The following DCC variants were observed in gnomAD, a reference collection of about 807,000 sequenced individuals.
DCC encodes the protein netrin receptor DCC.
Under a neutral mutation model 172.5 loss-of-function variants are expected in DCC, and 58 were observed. The ratio of observed to expected loss-of-function variants is 0.34; its 90% CI spans 0.27 to 0.42. DCC has a LOEUF of 0.42. Ranked by LOEUF, DCC falls within the 10% of genes least tolerant of loss-of-function variation. The pLI is 1.00. For synonymous variants in DCC, 709 were observed against 644.5 expected (o/e 1.10, Z -1.52); for missense variants, 1,740 against 1,791.0 (o/e 0.97, Z 0.51).
intron 1 of DCC, among the ~76,000 whole-genome samples, chr18:52,649,695 A>G (rs1488170738): frequency 1.3e-5 from 2 of 152,180 alleles, no homozygotes; most frequent in Non-Finnish European, 2.9e-5. Context: ...AATTACAATA[A>G]TGTCCTCCAA....
chr18:52,971,259 A>G (rs1403228924), intron 5 of DCC, among the ~76,000 whole-genome samples: 2 of 152,164 alleles, frequency 1.3e-5, no homozygotes, highest in Admixed American at 6.5e-5. Flanking sequence ...TCATCATATC[A>G]GAGCTTACCA....
At chr18:53,021,895 T>C (rs1307318129) in intron 5 of DCC, among the ~76,000 whole-genome samples, 2 of 152,224 alleles carry the variant, frequency 1.3e-5, no homozygotes, top group African/African-American at 4.8e-5. Flanking sequence ...ATTTGGACTT[T>C]ATTCAAAAGT....
intron 7 of DCC, among the ~76,000 whole-genome samples, chr18:53,119,225 A>G (rs557717316): frequency 3.9e-5 from 6 of 151,924 alleles, no homozygotes; most frequent in African/African-American, 1.4e-4. Flanking sequence ...ATTGGCGTAC[A>G]TTCTTTATCT....
In DCC at chr18:52,514,984, G is replaced by A. The variant is rs562065485; in HGVS notation, c.91+174106G>A. Among the ~76,000 whole-genome samples the A allele has an allele frequency of 3.3e-5, 5 of 152,226 alleles. No individual in the cohort carries two copies. In the South Asian group the frequency reaches 8.3e-4, roughly 25 times the overall value. On this transcript the variant is annotated intron_variant, in intron 1 of 28. Transcript: ENST00000442544. ...CATCCTATGAGGCTAGTATTGCCAC[G>A]ATACCAAATCCAGACAAATACAGTA...
intron 14 of DCC, among the ~76,000 whole-genome samples, chr18:53,337,047 G>T (rs187497332): frequency 8.5e-5 from 13 of 152,342 alleles, no homozygotes; most frequent in Admixed American, 7.8e-4. Flanking sequence ...TCAAGAGCCA[G>T]TTGGTGTACA....
intron 15 of DCC, among the ~76,000 whole-genome samples, chr18:53,370,627 A>G (rs1422544342): frequency 6.6e-6 from 1 of 151,704 alleles, no homozygotes; most frequent in East Asian, 1.9e-4. Context: ...TTGTTGTTTA[A>G]GAGTGTATTG....
At chr18:52,954,393 A>G (rs2040707808) in intron 5 of DCC, among the ~76,000 whole-genome samples, 1 of 152,130 alleles carries the variant, frequency 6.6e-6, no homozygotes, top group Non-Finnish European at 1.5e-5. Context: ...TCATTTTACT[A>G]TATTCTACAT....
chr18:53,214,703 C>A (rs2055817942), intron 11 of DCC, among the ~76,000 whole-genome samples: 1 of 152,084 alleles, frequency 6.6e-6, no homozygotes, highest in Non-Finnish European at 1.5e-5. Flanking sequence ...TATTATGGGG[C>A]AAAAAGCTTT....
At chr18:53,017,410 T>C (rs2041824587) in intron 5 of DCC, among the ~76,000 whole-genome samples, 1 of 152,218 alleles carries the variant, frequency 6.6e-6, no homozygotes, top group South Asian at 2.1e-4. Context: ...TCAGTCTTTA[T>C]TAAAGTGGGT....
At position 52,383,496 on chromosome 18, in the gene DCC, A is replaced by G. The variant is rs1000842594; in HGVS notation, c.91+42618A>G. Among the ~76,000 whole-genome samples the G allele has an allele frequency of 3.3e-5, 5 of 152,162 alleles. 1 individual carries two copies. In the South Asian group the frequency reaches 6.2e-4, roughly 19 times the overall value. On this transcript the variant is annotated intron_variant, in intron 1 of 28. Coordinates refer to ENST00000442544, the MANE Select transcript of DCC (RefSeq NM_005215.4). ...TATCTCATTGAATGTTATATGGTAT[A>G]GCTTATTTTATATTATGTAGCATTT...
chr18:53,161,407 G>A (rs2054837761), intron 8 of DCC, among the ~76,000 whole-genome samples: 1 of 152,064 alleles, frequency 6.6e-6, no homozygotes, highest in African/African-American at 2.4e-5. Flanking sequence ...CTCATTTTCA[G>A]GCTCTTTTTA....
At chr18:52,594,945 CTG>C (rs1021296928) in intron 1 of DCC, among the ~76,000 whole-genome samples, 6 of 152,168 alleles carry the variant, frequency 3.9e-5, no homozygotes, top group African/African-American at 1.4e-4. Context: ...AATATTCAAA[CTG>C]TATCACTACA....
rs376124257 is a variant in DCC, at chr18:52,923,770, G to A, written c.761G>A (p.Gly254Glu). 3 of 1,612,422 alleles carry A rather than the reference G, an allele frequency of 1.9e-6. No homozygotes were observed. The East Asian group carries it at 6.7e-5, about 36-fold the overall frequency. Reference sequence around the variant, plus strand: ...CCATCCAATGTAGTAGCCATTGAAGGAAAAGATGCTGTCCTGGAATGTTGT... The same window carrying A: ...CCATCCAATGTAGTAGCCATTGAAGAAAAAGATGCTGTCCTGGAATGTTGT... ...QRPSNVVAIEGKDAVLECCVS... is the reference protein window; with the variant it reads ...QRPSNVVAIEEKDAVLECCVS... Residue 254 changes from glycine (G) to glutamate (E), a missense_variant, in exon 4 of 29, where the codon GGA (glycine) becomes GAA (glutamate). This residue lies in a region of DCC where 1,732 missense variants were observed against 1,767.4 expected (regional missense o/e 0.98). Coordinates refer to ENST00000442544, the MANE Select transcript of DCC (RefSeq NM_005215.4).
intron 7 of DCC, among the ~76,000 whole-genome samples, chr18:53,125,316 C>T (rs62099223): frequency 0.037 from 5,636 of 152,006 alleles, 131 homozygotes; most frequent in Non-Finnish European, 0.055. Flanking sequence ...ATTAATATCA[C>T]GGTAGATAAC....
rs1379736660 is a variant in DCC at position 53,339,876 on chromosome 18, C to G, written c.2328C>G (p.Ser776Arg). Residue 776 changes from serine to arginine, a missense_variant, in exon 15 of 29, where the codon AGC becomes AGG. By Grantham distance (110) the Ser-to-Arg change is moderately radical. This residue lies in a region of DCC where 1,732 missense variants were observed against 1,767.4 expected (regional missense o/e 0.98). Coordinates refer to ENST00000442544, the MANE Select transcript of DCC (RefSeq NM_005215.4). The stretch of plus-strand genomic sequence containing the variant: ...ACGCTGAGACAGTGCGTGTGGACAG[C>G]AAGCAGCGATATTATTCCATTGAGA... ...SPYAETVRVD[S>R]KQRYYSIERL... 1 of 1,613,746 alleles carries G rather than the reference C, an allele frequency of 6.2e-7. No individual in the cohort carries two copies. Among genetic ancestry groups the G allele is most frequent in the South Asian group, 1.1e-5 (1 of 91,062 alleles).
At chr18:53,072,134 G>GA (rs953090386) in intron 7 of DCC, among the ~76,000 whole-genome samples, 4 of 150,150 alleles carry the variant, frequency 2.7e-5, no homozygotes, top group Admixed American at 6.6e-5. Flanking sequence ...ATCTCAAGAA[G>GA]AAAAAAAAAG....
At chr18:52,877,832 A>G (rs185659320) in intron 2 of DCC, among the ~76,000 whole-genome samples, 1 of 151,974 alleles carries the variant, frequency 6.6e-6, no homozygotes, top group African/African-American at 2.4e-5. Context: ...ACAAGCAAAT[A>G]TTTTGTCATA....
chr18:52,541,587 G>T (rs1035512423), intron 1 of DCC, among the ~76,000 whole-genome samples: 3 of 152,056 alleles, frequency 2.0e-5, no homozygotes, highest in African/African-American at 7.2e-5. Context: ...ATAAGCACAA[G>T]CATCCGTTCT....
chr18:52,946,051 C>G (rs555404873), intron 5 of DCC, among the ~76,000 whole-genome samples: 2 of 152,210 alleles, frequency 1.3e-5, no homozygotes, highest in Admixed American at 6.5e-5. Flanking sequence ...TTCATCTGGC[C>G]TCTGTGAACA....
Sources: gnomAD v4.1 joint callset for allele counts (sites outside exome capture counted in the v4.1 genomes callset) on GRCh38, gnomAD v4.1.1 for gene constraint, gnomAD v4.1.1 regional missense constraint, MANE v1.5 for transcripts, NCBI Gene and HGNC (gene_info 2026-07-23, HGNC 2026-07-21) for gene names.